Variants in POMT2 observed in about 807,000 individuals in gnomAD.
The protein encoded by POMT2 is protein O-mannosyl-transferase 2.
A neutral mutation model predicts 100.0 loss-of-function variants in POMT2; 75 were observed. The observed-to-expected ratio is 0.75, with a 90% CI of 0.62 to 0.91. POMT2 has a LOEUF of 0.91. POMT2 is among the 40% of genes least tolerant of loss of function. POMT2 has a pLI of 0.00. For missense variants in POMT2, 940 were observed against 955.1 expected, an observed-to-expected ratio of 0.98 and a Z score of 0.21; for synonymous variants, 378 against 374.1, an observed-to-expected ratio of 1.01 and a Z score of -0.12.
rs768773740 is a variant in POMT2 at position 77,279,932 on chromosome 14, T to G, written c.1786-4A>C. On this transcript the variant is annotated splice_region_variant and splice_polypyrimidine_tract_variant and intron_variant, in intron 17 of 20. Transcript: ENST00000261534. Reference sequence around the variant, plus strand: ...ACAGATTCAGCCACCAAACCACCTGTGCAGAAATGGGAATGGGCAGATGAG... The same window carrying G: ...ACAGATTCAGCCACCAAACCACCTGGGCAGAAATGGGAATGGGCAGATGAG... 3 of 1,614,024 alleles carry G rather than the reference T, an allele frequency of 1.9e-6. No individual in the cohort carries two copies. The African/African-American group carries it at 4.0e-5, about 22-fold the overall frequency.
intron 2 of POMT2, among the ~76,000 whole-genome samples, chr14:77,310,524 A>G (rs1359302437): frequency 6.6e-6 from 1 of 152,158 alleles, no homozygotes; most frequent in African/African-American, 2.4e-5. Context: ...CTCAGAGCCA[A>G]TTTTGAAATA....
At position 77,320,576 on chromosome 14, in the gene POMT2, C is replaced by G. The variant is rs974410008; in HGVS notation, c.106G>C (p.Glu36Gln). The change falls in exon 1 of 21, where the codon GAG becomes CAG. Residue 36 changes from glutamate to glutamine, a missense_variant. Coordinates refer to ENST00000261534, the MANE Select transcript of POMT2 (RefSeq NM_013382.7). ...ARAAGRDVAA[E>Q]AVARSPKRPA... ...CGTTTGGGGCTTCGCGCCACAGCCT[C>G]AGCGGCCACGTCCCGGCCTGCGGCC... 16 of 1,575,302 alleles carry G rather than the reference C, an allele frequency of 1.0e-5. No homozygotes were observed. The highest frequency in any genetic ancestry group is 1.3e-5 in the Non-Finnish European group (15 of 1,167,766).
At chr14:77,291,561 T>C (rs1456768503) in intron 9 of POMT2, 181 bp from the exon 10 acceptor site, 1 of 738,318 alleles carries the variant, frequency 1.4e-6, no homozygotes, top group Non-Finnish European at 2.2e-6. Context: ...CACTGGTGAG[T>C]GAGATTCTCT....
intron 12 of POMT2, 66 bp downstream of exon 12, chr14:77,286,678 A>G (rs896945416): frequency 6.2e-7 from 1 of 1,602,650 alleles, no homozygotes; most frequent in African/African-American, 1.3e-5. Context: ...GAGATATCCC[A>G]CCACACAGCC....
intron 2 of POMT2, among the ~76,000 whole-genome samples, chr14:77,311,473 C>A (rs1221978687): frequency 6.6e-6 from 1 of 152,214 alleles, no homozygotes; most frequent in East Asian, 1.9e-4. Context: ...AATCCCCACA[C>A]CCATTTGCAG....
chr14:77,300,862 G>T, intron 6 of POMT2: 5 of 545,196 alleles, frequency 9.2e-6, no homozygotes, highest in Non-Finnish European at 1.6e-5. Flanking sequence ...AATGCAAAAA[G>T]AGACTTCCAA....
chr14:77,280,046 A>C lies in POMT2; in HGVS notation c.1760T>G (p.Phe587Cys). Residue 587 changes from phenylalanine to cysteine, a missense_variant, in exon 17 of 21, where the codon TTC (phenylalanine) becomes TGC (cysteine). Transcript: ENST00000261534. ...CGGGTTGCCAAGCAGATAGACTCGGAAATCTGTGTCATTGACCCCTGAGAA... is the reference window on the plus strand; with the variant it reads ...CGGGTTGCCAAGCAGATAGACTCGGCAATCTGTGTCATTGACCCCTGAGAA... ...LRFSGVNDTD[F>C]RVYLLGNPVV... The C allele has an allele frequency of 1.2e-6, 2 of 1,613,946 alleles. No individual in the cohort carries two copies. The highest frequency in any genetic ancestry group is 1.7e-6 in the Non-Finnish European group (2 of 1,180,012).
intron 9 of POMT2, 39 bp from the exon 10 acceptor site, chr14:77,291,419 AG>A: frequency 6.6e-7 from 1 of 1,523,990 alleles, no homozygotes; most frequent in Non-Finnish European, 9.0e-7. Context: ...AGGAAGCAGG[AG>A]GGAGAATACC....
At chr14:77,284,920 A>G in intron 14 of POMT2, 30 bp downstream of exon 14, 1 of 1,550,722 alleles carries the variant, frequency 6.4e-7, no homozygotes, top group Non-Finnish European at 8.9e-7. Flanking sequence ...GCTTCCCTCC[A>G]GAGCCAGCCC....
chr14:77,280,627 C>T (rs573499476), intron 15 of POMT2, among the ~76,000 whole-genome samples, 164 bp from the exon 16 acceptor site: 12 of 152,346 alleles, frequency 7.9e-5, no homozygotes, highest in South Asian at 2.1e-4. Flanking sequence ...TGCCTACCTA[C>T]GACACTTGCT....
chr14:77,319,398 C>G (rs1048300270), intron 1 of POMT2: 5 of 152,310 alleles, frequency 3.3e-5, no homozygotes, highest in African/African-American at 1.2e-4. Context: ...TGCTAGAAGC[C>G]AAGACCATAG....
intron 12 of POMT2, 135 bp downstream of exon 12, chr14:77,286,609 T>C (rs1566648114): frequency 7.5e-7 from 1 of 1,328,136 alleles, no homozygotes; most frequent in Non-Finnish European, 1.1e-6. Flanking sequence ...AGTGCCCAAA[T>C]GTTAAGAGAG....
At chr14:77,315,474 C>T (rs775723893) in intron 1 of POMT2, among the ~76,000 whole-genome samples, 2 of 152,182 alleles carry the variant, frequency 1.3e-5, no homozygotes, top group Non-Finnish European at 2.9e-5. Flanking sequence ...GTTTGAGCCA[C>T]GCTCCCTGTA....
At chr14:77,316,423 A>G (rs1314195235) in intron 1 of POMT2, among the ~76,000 whole-genome samples, 1 of 151,950 alleles carries the variant, frequency 6.6e-6, no homozygotes, top group African/African-American at 2.4e-5. Flanking sequence ...AATCTGTTTT[A>G]ATTAGCTGGA....
intron 9 of POMT2, among the ~76,000 whole-genome samples, chr14:77,292,856 T>C (rs1159132212): frequency 2.6e-5 from 4 of 152,224 alleles, no homozygotes; most frequent in African/African-American, 9.6e-5. Context: ...CAATCAGCTA[T>C]ACCATGTAGC....
chr14:77,285,457 G>A (rs1377770144), intron 13 of POMT2, 24 bp downstream of exon 13: 1 of 1,613,982 alleles, frequency 6.2e-7, no homozygotes, highest in African/African-American at 1.3e-5. Context: ...CCTCGATTGG[G>A]ACAGCAAAAC....
chr14:77,291,744 T>C (rs1890648438), intron 9 of POMT2, among the ~76,000 whole-genome samples: 1 of 152,164 alleles, frequency 6.6e-6, no homozygotes, highest in African/African-American at 2.4e-5. Flanking sequence ...ATTTTCAAAG[T>C]AATTAAGGCC....
intron 15 of POMT2, among the ~76,000 whole-genome samples, chr14:77,281,645 C>T (rs1450076011): frequency 1.3e-5 from 2 of 152,146 alleles, no homozygotes; most frequent in African/African-American, 4.8e-5. Context: ...GCTGCCATGA[C>T]TTAGGCCGGA....
intron 4 of POMT2, 85 bp downstream of exon 4, chr14:77,304,607 G>C (rs564048457): frequency 6.5e-7 from 1 of 1,537,184 alleles, no homozygotes; most frequent in African/African-American, 1.4e-5. Context: ...CCACATATAG[G>C]GCCCTTGAAT....
Sources: allele counts gnomAD v4.1 joint callset (sites outside exome capture counted in the v4.1 genomes callset), GRCh38; gene constraint gnomAD v4.1.1; transcripts MANE v1.5; gene names NCBI Gene and HGNC (gene_info 2026-07-23, HGNC 2026-07-21).